ZEB1: variants seen among roughly 807,000 people sequenced by gnomAD.
ZEB1 encodes zinc finger E-box-binding homeobox 1.
In ZEB1, 21 loss-of-function variants were observed where a neutral mutation model predicts 84.9. The ratio of observed to expected loss-of-function variants is 0.25; its 90% CI spans 0.18 to 0.36. ZEB1 has a LOEUF of 0.36. Ranked by LOEUF, ZEB1 falls within the 10% of genes least tolerant of loss-of-function variation. ZEB1 has a pLI of 1.00. For synonymous variants in ZEB1, 420 were observed against 471.1 expected (o/e 0.89, Z 1.41); for missense variants, 1,104 against 1,330.2 (o/e 0.83, Z 2.65).
intron 1 of ZEB1, among the ~76,000 whole-genome samples, chr10:31,391,508 C>G (rs1432521398): frequency 6.6e-6 from 1 of 151,948 alleles, no homozygotes; most frequent in Non-Finnish European, 1.5e-5. Flanking sequence ...TAGAAATATC[C>G]TGGGTTTATG....
chr10:31,320,779 A>C (rs1442426771), intron 1 of ZEB1: 2 of 151,844 alleles, frequency 1.3e-5, no homozygotes, highest in Non-Finnish European at 2.9e-5. Flanking sequence ...ATGTCTGCTG[A>C]TTGTTATTGT....
chr10:31,475,578 C>A (rs1476660174), intron 2 of ZEB1, among the ~76,000 whole-genome samples: 1 of 152,136 alleles, frequency 6.6e-6, no homozygotes, highest in Non-Finnish European at 1.5e-5. Context: ...GGAAGCTCAT[C>A]AACCTAATGG....
intron 6 of ZEB1, among the ~76,000 whole-genome samples, chr10:31,516,097 A>G (rs1417625665): frequency 6.6e-6 from 1 of 152,120 alleles, no homozygotes; most frequent in African/African-American, 2.4e-5. Flanking sequence ...GGATTGAAAT[A>G]CTGGTCTAGA....
chr10:31,512,137 G>C (rs1049577951), intron 5 of ZEB1, among the ~76,000 whole-genome samples: 1 of 152,068 alleles, frequency 6.6e-6, no homozygotes, highest in African/African-American at 2.4e-5. Flanking sequence ...ATACCTTAGC[G>C]CTGTGATGTG....
intron 1 of ZEB1, among the ~76,000 whole-genome samples, chr10:31,342,262 A>G (rs1394130123): frequency 6.6e-6 from 1 of 152,182 alleles, no homozygotes; most frequent in Non-Finnish European, 1.5e-5. Flanking sequence ...ACCGGGTAAG[A>G]AGAGATTAAG....
chr10:31,485,682 C>A (rs1761377), intron 2 of ZEB1, among the ~76,000 whole-genome samples: 71 of 148,426 alleles, frequency 4.8e-4, no homozygotes, highest in African/African-American at 1.3e-3. Context: ...AAGTAAGTTT[C>A]TTTTTTTTTT....
intron 2 of ZEB1, among the ~76,000 whole-genome samples, chr10:31,474,376 C>G (rs985154051): frequency 5.3e-5 from 8 of 152,018 alleles, no homozygotes; most frequent in Admixed American, 2.0e-4. Flanking sequence ...AAAAAACAAA[C>G]AGCCCCATCA....
rs998636511 is a variant in ZEB1 at position 31,528,676 on chromosome 10, G to T, written c.*1412G>T. ...TATATTTCTTTATTTATTACACAGT[G>T]TAGTGTATAATACTGTAGTTTGTAT... is the stretch of plus-strand genomic sequence containing the variant. On this transcript the variant is annotated 3_prime_UTR_variant, in exon 9 of 9. Coordinates refer to ENST00000424869, the MANE Select transcript of ZEB1 (RefSeq NM_001174096.2). 9 of 152,056 alleles carry T rather than the reference G, an allele frequency of 5.9e-5. No homozygotes were observed. The highest frequency in any genetic ancestry group is 8.8e-5 in the Non-Finnish European group (6 of 68,014). The allele number at this position is 152,056 out of a possible 1,614,324, so 9.4% of individuals were successfully genotyped here. A position where few individuals can be genotyped will look rare whatever the true frequency, so the allele number is the denominator to read the frequency against.
intron 1 of ZEB1, among the ~76,000 whole-genome samples, chr10:31,366,492 A>C (rs1240780301): frequency 1.3e-5 from 2 of 152,060 alleles, no homozygotes. Context: ...GTCTCTGTCC[A>C]TTTTCAAAGC....
chr10:31,482,865 T>G (rs928772002), intron 2 of ZEB1, among the ~76,000 whole-genome samples: 1 of 152,040 alleles, frequency 6.6e-6, no homozygotes, highest in Non-Finnish European at 1.5e-5. Flanking sequence ...GGTCAGAGGA[T>G]CATTCCTAGA....
chr10:31,450,843 G>C (rs1172326163), intron 1 of ZEB1, among the ~76,000 whole-genome samples: 1 of 151,192 alleles, frequency 6.6e-6, no homozygotes, highest in Non-Finnish European at 1.5e-5. Flanking sequence ...ATTTTATTTA[G>C]GACCATTGCA....
rs144656435 is a variant in ZEB1 at position 31,422,530 on chromosome 10, C to G, written c.59-38507C>G. Among the ~76,000 whole-genome samples the G allele has an allele frequency of 7.2e-5, 11 of 152,162 alleles. 1 individual carries two copies. The East Asian group carries it at 1.9e-3, about 27-fold the overall frequency. ...TACCTGGTTTTACTGTTGAATTAAA[C>G]AGTAAAATTAAACTGTTGAGTTAAA... is the stretch of plus-strand genomic sequence containing the variant. On this transcript the variant is annotated intron_variant, in intron 1 of 8. Transcript: ENST00000424869.
intron 3 of ZEB1, among the ~76,000 whole-genome samples, chr10:31,500,630 T>C (rs2067984141): frequency 6.6e-6 from 1 of 152,206 alleles, no homozygotes; most frequent in African/African-American, 2.4e-5. Context: ...TGGAGGACTT[T>C]ACACTCCAAG....
intron 6 of ZEB1, 133 bp downstream of exon 6, chr10:31,514,841 AT>A: frequency 1.4e-6 from 1 of 699,430 alleles, no homozygotes; most frequent in South Asian, 1.9e-5. Context: ...ATTGGGAGAA[AT>A]TTTATGTTTA....
intron 3 of ZEB1, among the ~76,000 whole-genome samples, chr10:31,496,146 G>T (rs1438854896): frequency 6.6e-6 from 1 of 151,996 alleles, no homozygotes; most frequent in East Asian, 1.9e-4. Flanking sequence ...TCAAGTTTTT[G>T]ACCAAAGTTA....
chr10:31,476,324 A>G (rs941322344), intron 2 of ZEB1, among the ~76,000 whole-genome samples: 3 of 152,128 alleles, frequency 2.0e-5, no homozygotes, highest in South Asian at 2.1e-4. Flanking sequence ...AGGGGTTACT[A>G]TGAGCATCTC....
At chr10:31,476,207 C>A (rs1271915084) in intron 2 of ZEB1, among the ~76,000 whole-genome samples, 4 of 151,642 alleles carry the variant, frequency 2.6e-5, no homozygotes, top group Non-Finnish European at 4.4e-5. Context: ...AATTGGTAGA[C>A]CACTAACTAG....
At chr10:31,491,228 C>CATCT (rs2066482092) in intron 2 of ZEB1, among the ~76,000 whole-genome samples, 1 of 151,758 alleles carries the variant, frequency 6.6e-6, no homozygotes, top group Non-Finnish European at 1.5e-5. Context: ...ATGCTTCCTG[C>CATCT]ATCTATGCCT....
chr10:31,415,644 A>C (rs2055091973), intron 1 of ZEB1, among the ~76,000 whole-genome samples: 1 of 152,084 alleles, frequency 6.6e-6, no homozygotes, highest in Middle Eastern at 3.2e-3. Context: ...ACATACCTTC[A>C]TCAGTTTTAT....
Sources: allele counts gnomAD v4.1 joint callset (sites outside exome capture counted in the v4.1 genomes callset), GRCh38; gene constraint gnomAD v4.1.1; transcripts MANE v1.5; gene names NCBI Gene and HGNC (gene_info 2026-07-23, HGNC 2026-07-21).